Variants in HDX observed in about 807,000 individuals in gnomAD.
The protein encoded by HDX is chromosome X open reading frame 43.
HDX carries 19 observed loss-of-function variants against 45.2 expected under a neutral mutation model. The observed-to-expected ratio is 0.42, with a 90% CI of 0.29 to 0.62. HDX has a LOEUF of 0.62. Ranked by LOEUF, HDX falls within the 20% of genes least tolerant of loss-of-function variation. HDX has a pLI of 0.20. For synonymous variants in HDX, 188 were observed against 172.8 expected, an observed-to-expected ratio of 1.09 and a Z score of -0.69; for missense variants, 532 against 493.9, an observed-to-expected ratio of 1.08 and a Z score of -0.73.
rs538893311 is a variant in HDX at position 84,423,483 on chromosome X, CAA to C, written c.1305+17047_1305+17048del. On this transcript the variant is annotated intron_variant, in intron 5 of 10. Coordinates refer to ENST00000373177, the MANE Select transcript of HDX (RefSeq NM_001177479.2). ...GATAACCAAAACTAGACAGAAACAT[CAA>C]AAAAAAAAAAAAAAAAGAGAGAGAG... 4.5e-3 allele frequency among the ~76,000 whole-genome samples: 270 copies of C among 59,499 alleles called. 1 individual carries two copies. The highest frequency in any genetic ancestry group is 0.017 in the African/African-American group (261 of 15,544). The allele number at this position is 59,499 out of a possible 115,157, so 51.7% of individuals were successfully genotyped here.
At chrX:84,336,223 A>G (rs1244230943) in intron 8 of HDX, among the ~76,000 whole-genome samples, 1 of 111,301 alleles carries the variant, frequency 9.0e-6, no homozygotes, top group Non-Finnish European at 1.9e-5. Flanking sequence ...CACAAAACCC[A>G]GTTTACTCCA....
At chrX:84,406,842 G>A (rs2038841594) in intron 5 of HDX, among the ~76,000 whole-genome samples, 4 of 109,635 alleles carry the variant, frequency 3.6e-5, no homozygotes, top group African/African-American at 1.3e-4. Context: ...AATTAAGTAA[G>A]AACATAAACT....
At position 84,445,192 on chromosome X, in the gene HDX, G is replaced by C. The variant is rs186180602; in HGVS notation, c.1252-4607C>G. On this transcript the variant is annotated intron_variant, in intron 4 of 10. Transcript: ENST00000373177. ...TATGAGGCTAGAAAAGCTACTATCTGATATATACTGCATTTTATGTGAGCC... is the reference window on the plus strand; with the variant it reads ...TATGAGGCTAGAAAAGCTACTATCTCATATATACTGCATTTTATGTGAGCC... Among the ~76,000 whole-genome samples, 6 of 111,845 alleles carry C rather than the reference G, an allele frequency of 5.4e-5. No individual in the cohort carries two copies. In the East Asian group the frequency reaches 1.7e-3, roughly 31 times the overall value.
In HDX at chrX:84,361,603, G is replaced by A. The variant is rs1218172983; in HGVS notation, c.1315C>T (p.Arg439Cys). The A allele has an allele frequency of 5.1e-6, 6 of 1,169,607 alleles. No homozygotes were observed. Among genetic ancestry groups the A allele is most frequent in the Non-Finnish European group, 6.9e-6 (6 of 874,240 alleles). ...AAGTCTCGGTCACTGAACTGAGTGC[G>A]GTCCTGTAGCTGAAAAACACATTTT... is the stretch of plus-strand genomic sequence containing the variant. ...GCSRKRALQD[R>C]TQFSDRDLAT... is the part of the protein sequence containing the mutation. Residue 439 changes from arginine to cysteine, a missense_variant, in exon 6 of 11, where the codon CGC (arginine) becomes TGC (cysteine). Arg to Cys is a radical substitution (Grantham distance 180). This residue lies in a region of HDX where 376 missense variants were observed against 343.7 expected (regional missense o/e 1.09). Transcript: ENST00000373177.
intron 9 of HDX, 145 bp downstream of exon 9, chrX:84,333,614 C>G (rs1239481832): frequency 3.0e-5 from 11 of 367,142 alleles, no homozygotes; most frequent in Non-Finnish European, 4.8e-5. Flanking sequence ...ATAACCAGCA[C>G]TCTGACTGAT....
At chrX:84,410,207 T>TGA (rs1182430625) in intron 5 of HDX, among the ~76,000 whole-genome samples, 1 of 110,829 alleles carries the variant, frequency 9.0e-6, no homozygotes, top group African/African-American at 3.3e-5. Context: ...ATAAGAGAGA[T>TGA]GAGAGAGATC....
At position 84,319,559 on chromosome X, in the gene HDX, CT is replaced by C. The variant is rs2036559786; in HGVS notation, c.*2329del. 1.8e-5 allele frequency: 2 copies of C among 110,843 alleles called. No individual in the cohort carries two copies. The highest frequency in any genetic ancestry group is 6.5e-5 in the African/African-American group (2 of 30,665). The allele number at this position is 110,843 out of a possible 1,213,427, so 9.1% of individuals were successfully genotyped here. A position where few individuals can be genotyped will look rare whatever the true frequency, so the allele number is the denominator to read the frequency against. On this transcript the variant is annotated 3_prime_UTR_variant, in exon 11 of 11. Transcript: ENST00000373177. ...TCCAATGATGGTGAAGAAAAATATT[CT>C]GGTGCTGAAACACAAATTTCAAGAC...
rs1368915172 is a variant in HDX at position 84,452,084 on chromosome X, GTC to G, written c.1252-11501_1252-11500del. On this transcript the variant is annotated intron_variant, in intron 4 of 10. Transcript: ENST00000373177. ...TCATACTGAATGATAAAGGCTGAAA[GTC>G]TTTTTCTGGGAACTGGAAGAAGATA... 3.5e-3 allele frequency among the ~76,000 whole-genome samples: 393 copies of G among 111,397 alleles called. 3 individuals are homozygous for G. The highest frequency in any genetic ancestry group is 0.012 in the African/African-American group (382 of 30,682).
intron 5 of HDX, among the ~76,000 whole-genome samples, chrX:84,409,148 A>C (rs2038916918): frequency 1.8e-5 from 2 of 111,129 alleles, no homozygotes; most frequent in African/African-American, 6.5e-5. Flanking sequence ...GCCATCAGAG[A>C]AATGCAAATC....
chrX:84,436,382 TA>T (rs1288393454), intron 5 of HDX, among the ~76,000 whole-genome samples: 2 of 109,088 alleles, frequency 1.8e-5, no homozygotes, highest in African/African-American at 6.7e-5. Context: ...CCCTAAAACT[TA>T]AAGTATAATA....
At chrX:84,493,455 G>T (rs1326523909) in intron 1 of HDX, among the ~76,000 whole-genome samples, 2 of 111,759 alleles carry the variant, frequency 1.8e-5, no homozygotes, top group Admixed American at 1.9e-4. Context: ...ATTCAGTTTT[G>T]CCAGCTACAT....
chrX:84,354,758 A>AT (rs1436003687), intron 6 of HDX, among the ~76,000 whole-genome samples: 8 of 108,039 alleles, frequency 7.4e-5, no homozygotes, highest in South Asian at 4.0e-4. Context: ...AAACATAAAG[A>AT]TTCTCTGGGC....
At chrX:84,495,123 T>C (rs2040973261) in intron 1 of HDX, among the ~76,000 whole-genome samples, 1 of 109,150 alleles carries the variant, frequency 9.2e-6, no homozygotes, top group South Asian at 3.9e-4. Flanking sequence ...CGATCTCACA[T>C]ATGTGGAATC....
chrX:84,322,957 A>T (rs1174482351), intron 10 of HDX, among the ~76,000 whole-genome samples: 5 of 110,796 alleles, frequency 4.5e-5, no homozygotes, highest in Non-Finnish European at 9.5e-5. Flanking sequence ...GAAGAAATGA[A>T]AGCTTGTCAC....
chrX:84,349,418 T>C (rs1226816487), intron 6 of HDX, among the ~76,000 whole-genome samples: 1 of 97,201 alleles, frequency 1.0e-5, no homozygotes, highest in Non-Finnish European at 2.1e-5. Context: ...TGTGTGTGTG[T>C]GTGTGTGTGT....
At chrX:84,356,054 T>C (rs2147833819) in intron 6 of HDX, among the ~76,000 whole-genome samples, 1 of 110,553 alleles carries the variant, frequency 9.0e-6, no homozygotes, top group Non-Finnish European at 1.9e-5. Flanking sequence ...TATACCAAGT[T>C]TGCTTCCTAT....
At chrX:84,342,165 C>T (rs1479744609) in intron 7 of HDX, among the ~76,000 whole-genome samples, 1 of 111,421 alleles carries the variant, frequency 9.0e-6, no homozygotes, top group Non-Finnish European at 1.9e-5. Flanking sequence ...CATCCAAAGG[C>T]CTGCTTGGAC....
At chrX:84,454,721 G>A (rs771518842) in intron 4 of HDX, among the ~76,000 whole-genome samples, 1 of 111,090 alleles carries the variant, frequency 9.0e-6, no homozygotes, top group East Asian at 2.9e-4. Context: ...CCTTCAGCAA[G>A]CATAGGCAGT....
At chrX:84,388,019 G>T (rs1290916763) in intron 5 of HDX, among the ~76,000 whole-genome samples, 1 of 111,850 alleles carries the variant, frequency 8.9e-6, no homozygotes, top group East Asian at 2.8e-4. Context: ...ACTATCATTT[G>T]CTTGTCTGAG....
Sources: allele counts gnomAD v4.1 joint callset (sites outside exome capture counted in the v4.1 genomes callset), GRCh38; gene constraint gnomAD v4.1.1; regional missense constraint gnomAD v4.1.1; transcripts MANE v1.5; gene names NCBI Gene and HGNC (gene_info 2026-07-23, HGNC 2026-07-21).